The following ASB1 variants were observed in gnomAD, a reference collection of about 807,000 sequenced individuals.
ASB1 encodes the protein ankyrin repeat and SOCS box protein 1.
A neutral mutation model predicts 27.7 loss-of-function variants in ASB1; 18 were observed. The observed-to-expected ratio is 0.65, with a 90% CI of 0.45 to 0.96. The LOEUF (loss-of-function observed/expected upper bound fraction) is 0.96, where lower values mean the gene tolerates loss of function less well. Ranked by LOEUF, ASB1 falls within the 50% of genes least tolerant of loss-of-function variation. ASB1 has a pLI of 0.00. For synonymous variants in ASB1, 189 were observed against 187.6 expected (o/e 1.01, Z -0.06); for missense variants, 397 against 451.7 (o/e 0.88, Z 1.10).
chr2:238,430,507 A>C (rs111643339), intron 1 of ASB1, among the ~76,000 whole-genome samples: 3 of 152,206 alleles, frequency 2.0e-5, no homozygotes, highest in African/African-American at 7.2e-5. Flanking sequence ...GAGCCCCTCA[A>C]AGTCATCCAT....
chr2:238,442,121 A>ATTT (rs55633528), intron 3 of ASB1, among the ~76,000 whole-genome samples: 5 of 142,006 alleles, frequency 3.5e-5, no homozygotes, highest in African/African-American at 5.2e-5. Context: ...ATCTCTCTAA[A>ATTT]TTTTTTTTTT....
intron 4 of ASB1, 142 bp downstream of exon 4, chr2:238,444,869 G>C: frequency 1.1e-6 from 1 of 883,474 alleles, no homozygotes; most frequent in South Asian, 2.0e-5. Context: ...CCAGATGGTT[G>C]TTCAGATTGA....
chr2:238,442,128 T>G (rs1702089568), intron 3 of ASB1, among the ~76,000 whole-genome samples: 1 of 151,878 alleles, frequency 6.6e-6, no homozygotes, highest in Non-Finnish European at 1.5e-5. Flanking sequence ...TAAATTTTTT[T>G]TTTTTTTTTT....
chr2:238,428,020 A>G (rs1701795368), intron 1 of ASB1, among the ~76,000 whole-genome samples: 2 of 152,202 alleles, frequency 1.3e-5, no homozygotes, highest in Non-Finnish European at 2.9e-5. Context: ...CAATCATTTA[A>G]CAGACTTGTA....
intron 3 of ASB1, among the ~76,000 whole-genome samples, chr2:238,443,660 A>G (rs1702121111): frequency 6.6e-6 from 1 of 151,892 alleles, no homozygotes; most frequent in African/African-American, 2.4e-5. Flanking sequence ...ATGTTTTATC[A>G]TGTTAAAGAA....
rs1702230859 is a variant in ASB1, at chr2:238,449,044, C to G, written c.*2533C>G. The G allele has an allele frequency of 6.6e-6, 1 of 152,246 alleles. No homozygotes were observed. The highest frequency in any genetic ancestry group is 2.4e-5 in the African/African-American group (1 of 41,466). 9.4% of individuals were successfully genotyped at this position (152,246 alleles called of 1,614,324 possible). A position where few individuals can be genotyped will look rare whatever the true frequency, so the allele number is the denominator to read the frequency against. ...TTGCAGAGGACATGTTCAACTTCCTCTCTGTTCAAGCCAGCCTTTGCCAAT... is the reference window on the plus strand; with the variant it reads ...TTGCAGAGGACATGTTCAACTTCCTGTCTGTTCAAGCCAGCCTTTGCCAAT... On this transcript the variant is annotated 3_prime_UTR_variant, in exon 5 of 5. Transcript: ENST00000264607.
Position 238,452,165 on chromosome 2 carries a change from T to C in ASB1, c.*5654T>C, listed in dbSNP as rs1162878227. 1 of 152,222 alleles carries C rather than the reference T, an allele frequency of 6.6e-6. No individual in the cohort carries two copies. The highest frequency in any genetic ancestry group is 1.5e-5 in the Non-Finnish European group (1 of 68,048). The allele number at this position is 152,222 out of a possible 1,614,324, so 9.4% of individuals were successfully genotyped here. A position where few individuals can be genotyped will look rare whatever the true frequency, so the allele number is the denominator to read the frequency against. On this transcript the variant is annotated 3_prime_UTR_variant, in exon 5 of 5. Coordinates refer to ENST00000264607, the MANE Select transcript of ASB1 (RefSeq NM_001040445.3). The stretch of plus-strand genomic sequence containing the variant: ...CCCCTGTTGTTACATGGGACCTGTT[T>C]TGACGGTGGGAGGGTGAGATGTGAA...
rs1702277288 is a variant in ASB1 at position 238,451,155 on chromosome 2, A to G, written c.*4644A>G. The G allele has an allele frequency of 6.6e-6, 1 of 152,094 alleles. No homozygotes were observed. Among genetic ancestry groups the G allele is most frequent in the Non-Finnish European group, 1.5e-5 (1 of 68,016 alleles). The allele number at this position is 152,094 out of a possible 1,614,324, so 9.4% of individuals were successfully genotyped here. The stretch of plus-strand genomic sequence containing the variant: ...GGGATTCACATCCCAGGAGAATTCC[A>G]CGGAGAGGAATGTGCAGATTTTGAA... On this transcript the variant is annotated 3_prime_UTR_variant, in exon 5 of 5. Transcript: ENST00000264607.
intron 1 of ASB1, among the ~76,000 whole-genome samples, chr2:238,428,744 A>C (rs1350151359): frequency 1.3e-5 from 2 of 152,204 alleles, no homozygotes. Flanking sequence ...TCAGCGAAAC[A>C]CAAACTTGAA....
Position 238,435,715 on chromosome 2 carries a change from A to G in ASB1, c.196A>G (p.Ile66Val), listed in dbSNP as rs766445929. Residue 66 changes from isoleucine (I) to valine (V), a missense_variant, in exon 3 of 5, where the codon ATC (isoleucine) becomes GTC (valine). Transcript: ENST00000264607. ...CCCCTTGTGTTCCTCCTGCAGCCGC[A>G]TCAACGAGAAGTCTGTCTGGTGCTG... ...LLQEESYRSRINEKSVWCCGW... is the reference protein window; with the variant it reads ...LLQEESYRSRVNEKSVWCCGW... 1.9e-6 allele frequency: 3 copies of G among 1,610,996 alleles called. No homozygotes were observed. The highest frequency in any genetic ancestry group is 2.2e-5 in the South Asian group (2 of 90,846).
At chr2:238,439,604 CG>C (rs1009538030) in intron 3 of ASB1, among the ~76,000 whole-genome samples, 4 of 152,118 alleles carry the variant, frequency 2.6e-5, no homozygotes, top group African/African-American at 7.2e-5. Context: ...TTGGTGGTGA[CG>C]AATCTTGTGA....
At chr2:238,441,018 G>C (rs1007531851) in intron 3 of ASB1, among the ~76,000 whole-genome samples, 8 of 152,212 alleles carry the variant, frequency 5.3e-5, no homozygotes, top group African/African-American at 1.9e-4. Flanking sequence ...GGAGTGGTCT[G>C]TGCTAATCAT....
At chr2:238,445,099 A>C (rs987249506) in intron 4 of ASB1, among the ~76,000 whole-genome samples, 9 of 148,418 alleles carry the variant, frequency 6.1e-5, no homozygotes, top group Non-Finnish European at 1.2e-4. Context: ...CTCCCACCTC[A>C]GCCTCCCAAG....
intron 3 of ASB1, 102 bp downstream of exon 3, chr2:238,436,115 G>T (rs1701966993): frequency 2.5e-6 from 3 of 1,188,662 alleles, no homozygotes; most frequent in African/African-American, 1.5e-5. Flanking sequence ...TAGATGACTC[G>T]CCTGTTTTGC....
In ASB1 at chr2:238,451,718, G is replaced by C. The variant is rs976236159; in HGVS notation, c.*5207G>C. On this transcript the variant is annotated 3_prime_UTR_variant, in exon 5 of 5. Coordinates refer to ENST00000264607, the MANE Select transcript of ASB1 (RefSeq NM_001040445.3). ...CTTTTGATATGATATTGTAACTTTAGTAAATGCTTTACTTCCCTCTAATTG... is the reference window on the plus strand; with the variant it reads ...CTTTTGATATGATATTGTAACTTTACTAAATGCTTTACTTCCCTCTAATTG... 1 of 152,600 alleles carries C rather than the reference G, an allele frequency of 6.6e-6. No homozygotes were observed. The highest frequency in any genetic ancestry group is 1.5e-5 in the Non-Finnish European group (1 of 68,038). 9.5% of individuals were successfully genotyped at this position (152,600 alleles called of 1,614,324 possible).
intron 3 of ASB1, among the ~76,000 whole-genome samples, chr2:238,441,273 T>C (rs1185000632): frequency 6.6e-6 from 1 of 152,042 alleles, no homozygotes; most frequent in African/African-American, 2.4e-5. Flanking sequence ...TAGCTGAGAT[T>C]ACAGGTGCCC....
intron 4 of ASB1, among the ~76,000 whole-genome samples, chr2:238,445,584 G>A (rs1702164342): frequency 6.6e-6 from 1 of 152,126 alleles, no homozygotes; most frequent in Non-Finnish European, 1.5e-5. Context: ...CTTGTTATCC[G>A]AGGCTCTCTG....
At position 238,435,891 on chromosome 2, in the gene ASB1, A is replaced by G. The variant is rs1166550253; in HGVS notation, c.372A>G (p.Leu124=). Residue 124 remains leucine, a synonymous_variant, in exon 3 of 5, where the codon CTA becomes CTG. Coordinates refer to ENST00000264607, the MANE Select transcript of ASB1 (RefSeq NM_001040445.3). The part of the protein sequence containing the change: ...ALYVAVVNGH[L]ESTQILLEAG... ...ATGTGGCTGTGGTGAACGGGCACCT[A>G]GAGAGTACCCAGATCCTTCTCGAAG... 6.2e-7 allele frequency: 1 copy of G among 1,614,232 alleles called. No individual in the cohort carries two copies. The highest frequency in any genetic ancestry group is 8.5e-7 in the Non-Finnish European group (1 of 1,180,040).
Position 238,427,088 on chromosome 2 carries a change from C to G in ASB1, c.18C>G (p.Ser6Arg). 1 of 1,262,882 alleles carries G rather than the reference C, an allele frequency of 7.9e-7. No individual in the cohort carries two copies. The highest frequency in any genetic ancestry group is 9.9e-7 in the Non-Finnish European group (1 of 1,005,128). The allele number at this position is 1,262,882 out of a possible 1,614,324, so 78.2% of individuals were successfully genotyped here. Residue 6 changes from serine to arginine, a missense_variant, in exon 1 of 5, where the codon AGC (serine) becomes AGG (arginine). Transcript: ENST00000264607. MAEGG[S>R]PDGRAGPGSA... ...AAGCATCCATGGCGGAGGGCGGCAG[C>G]CCAGACGGGCGGGCAGGGCCGGGCT...
Sources: allele counts gnomAD v4.1 joint callset (sites outside exome capture counted in the v4.1 genomes callset), GRCh38; gene constraint gnomAD v4.1.1; transcripts MANE v1.5; gene names NCBI Gene and HGNC (gene_info 2026-07-23, HGNC 2026-07-21).